The following ACOT1 variants were observed in gnomAD, a reference collection of about 807,000 sequenced individuals.
ACOT1 encodes the protein acyl-CoA thioesterase 1, also known as acyl-coenzyme A thioesterase 1.
Under a neutral mutation model 15.7 loss-of-function variants are expected in ACOT1, and 8 were observed. The observed-to-expected ratio is 0.51, with a 90% confidence interval of 0.30 to 0.92. The LOEUF is 0.92. Among genes scored for constraint, ACOT1 ranks in the 40% least tolerant of loss-of-function variants. The pLI, the probability that ACOT1 is intolerant of heterozygous loss-of-function variation, is 0.06. For synonymous variants in ACOT1, 67 were observed against 241.2 expected (o/e 0.28, Z 6.69); for missense variants, 151 against 539.4 (o/e 0.28, Z 7.13).
the ACOT1 span, chr14:73,499,195 A>G: frequency 6.6e-7 from 1 of 1,508,152 alleles, no homozygotes; most frequent in Non-Finnish European, 9.2e-7. Context: ...AATGAACCAG[A>G]AACAGCTGGG....
chr14:73,522,771 A>G, the ACOT1 span: 2 of 1,614,162 alleles, frequency 1.2e-6, no homozygotes, highest in African/African-American at 2.7e-5. Flanking sequence ...TCTCCTGTTA[A>G]GGGACTTGAG....
the ACOT1 span, among the ~76,000 whole-genome samples, chr14:73,515,271 C>T: frequency 1.3e-5 from 2 of 152,118 alleles, no homozygotes; most frequent in African/African-American, 4.8e-5. Context: ...CACTATCAGC[C>T]ATTTCTGTTT....
chr14:73,535,248 G>A (rs1888820328), upstream of ACOT1, among the ~76,000 whole-genome samples: 1 of 113,478 alleles, frequency 8.8e-6, no homozygotes, highest in South Asian at 2.8e-4. Context: ...ATTCCTAGAC[G>A]TGGAACTGTG....
the ACOT1 span, among the ~76,000 whole-genome samples, chr14:73,528,775 T>C: frequency 6.6e-6 from 1 of 152,180 alleles, no homozygotes; most frequent in Non-Finnish European, 1.5e-5. Context: ...ATTATTAGTT[T>C]AGAGGATGGA....
chr14:73,506,804 G>GTTTTTTTTTTTTTTTTTTTTTTTTTTTT, the ACOT1 span, among the ~76,000 whole-genome samples: 10 of 80,520 alleles, frequency 1.2e-4, 2 homozygotes, highest in Admixed American at 7.4e-4. Flanking sequence ...GACTTTAACT[G>GTTTTTTTTTTTTTTTTTTTTTTTTTTTT]TTTTTTTTTT....
the ACOT1 span, among the ~76,000 whole-genome samples, chr14:73,517,665 CAAA>C: frequency 2.9e-4 from 17 of 59,360 alleles, no homozygotes; most frequent in Non-Finnish European, 4.9e-4. Flanking sequence ...GAGACCCTGT[CAAA>C]AAAAAAAAAA....
At chr14:73,539,131 T>C (rs1277673651) in intron 1 of ACOT1, 1 of 114,080 alleles carries the variant, frequency 8.8e-6, no homozygotes, top group African/African-American at 2.9e-5. Flanking sequence ...AGGTGCCAGG[T>C]GGCTGGGCCT....
At chr14:73,519,123 G>C in the ACOT1 span, 4 of 1,613,810 alleles carry the variant, frequency 2.5e-6, no homozygotes, top group East Asian at 8.9e-5. Context: ...GGACAATCTG[G>C]TCTCTCTTTG....
the ACOT1 span, among the ~76,000 whole-genome samples, chr14:73,519,474 G>A: frequency 1.3e-5 from 2 of 152,162 alleles, no homozygotes; most frequent in Admixed American, 1.3e-4. Flanking sequence ...GGCCGGGTGT[G>A]GTGGCTCACA....
chr14:73,521,129 C>T, the ACOT1 span: 1 of 1,158,458 alleles, frequency 8.6e-7, no homozygotes, highest in Non-Finnish European at 1.3e-6. Flanking sequence ...TCCCTTTCCT[C>T]TTTAAGCTCA....
upstream of ACOT1, among the ~76,000 whole-genome samples, chr14:73,535,221 AG>A (rs1163202229): frequency 1.7e-5 from 2 of 114,704 alleles, 1 homozygote; most frequent in African/African-American, 5.6e-5. Context: ...ATATTTATGA[AG>A]TTATACTTAA....
At chr14:73,526,066 C>T in the ACOT1 span, among the ~76,000 whole-genome samples, 3 of 152,126 alleles carry the variant, frequency 2.0e-5, no homozygotes, top group Non-Finnish European at 2.9e-5. Context: ...GAAAGACGGT[C>T]CTGCATCGCC....
chr14:73,493,656 G>C, the ACOT1 span, among the ~76,000 whole-genome samples: 1 of 152,024 alleles, frequency 6.6e-6, no homozygotes, highest in African/African-American at 2.4e-5. Flanking sequence ...TGGCCAACAT[G>C]GCAAAACCCC....
chr14:73,525,771 G>C, the ACOT1 span, among the ~76,000 whole-genome samples: 1 of 152,080 alleles, frequency 6.6e-6, no homozygotes, highest in Non-Finnish European at 1.5e-5. Flanking sequence ...TGGCCAACAT[G>C]GAGAAACCCC....
At chr14:73,528,403 A>AAC in the ACOT1 span, among the ~76,000 whole-genome samples, 2 of 151,738 alleles carry the variant, frequency 1.3e-5, no homozygotes, top group East Asian at 1.9e-4. Flanking sequence ...AAAAAAAAAA[A>AAC]AAAAAAAAAA....
At chr14:73,496,558 A>G in the ACOT1 span, 2 of 1,208,584 alleles carry the variant, frequency 1.7e-6, no homozygotes, top group Non-Finnish European at 2.5e-6. Flanking sequence ...AACTCTTGAG[A>G]GTCCTGAATT....
the ACOT1 span, among the ~76,000 whole-genome samples, chr14:73,524,001 T>C: frequency 6.6e-6 from 1 of 152,056 alleles, no homozygotes; most frequent in African/African-American, 2.4e-5. Context: ...AAATATTTAA[T>C]AGCTGTAGGC....
the ACOT1 span, chr14:73,491,825 G>C: frequency 6.2e-7 from 1 of 1,606,420 alleles, no homozygotes; most frequent in Non-Finnish European, 8.5e-7. Context: ...CTACATCAAC[G>C]GACGACGCGA....
At chr14:73,506,987 G>A in the ACOT1 span, among the ~76,000 whole-genome samples, 1 of 151,784 alleles carries the variant, frequency 6.6e-6, no homozygotes, top group East Asian at 1.9e-4. Flanking sequence ...TTTTAGTAGA[G>A]GCGGGGTTTT....
Sources: allele counts gnomAD v4.1 joint callset (sites outside exome capture counted in the v4.1 genomes callset), GRCh38; gene constraint gnomAD v4.1.1; transcripts MANE v1.5; gene names NCBI Gene and HGNC (gene_info 2026-07-23, HGNC 2026-07-21).